Variants in AFF3 observed in about 807,000 individuals in gnomAD.
The protein encoded by AFF3 is AF4/FMR2 family member 3.
A neutral mutation model predicts 129.7 loss-of-function variants in AFF3; 32 were observed. The observed-to-expected ratio is 0.25, with a 90% CI of 0.19 to 0.33. The LOEUF (loss-of-function observed/expected upper bound fraction) is 0.33. AFF3 is among the 10% of genes least tolerant of loss of function. The probability of loss-of-function intolerance (pLI) is 1.00; values close to 1 mark genes in which losing one functional copy is unlikely to be tolerated. For missense variants in AFF3, 1,373 were observed against 1,592.0 expected, an observed-to-expected ratio of 0.86 and a Z score of 2.34; for synonymous variants, 644 against 635.4, an observed-to-expected ratio of 1.01 and a Z score of -0.20.
chr2:99,802,942 C>A (rs532596309), intron 8 of AFF3, among the ~76,000 whole-genome samples: 4 of 152,082 alleles, frequency 2.6e-5, no homozygotes, highest in Non-Finnish European at 5.9e-5. Flanking sequence ...ATTTGAATGC[C>A]CTTTAGTTCC....
intron 7 of AFF3, among the ~76,000 whole-genome samples, chr2:99,948,855 C>T (rs111657163): frequency 6.6e-6 from 1 of 152,178 alleles, no homozygotes; most frequent in Non-Finnish European, 1.5e-5. Context: ...TTCCCAATTA[C>T]AGCAATATGA....
chr2:99,918,061 G>A (rs1478776318), intron 7 of AFF3, among the ~76,000 whole-genome samples: 1 of 152,058 alleles, frequency 6.6e-6, no homozygotes, highest in Non-Finnish European at 1.5e-5. Context: ...TTCTTTTAGT[G>A]TAGTTTTCTA....
chr2:99,999,387 T>A (rs762860779), intron 7 of AFF3, among the ~76,000 whole-genome samples: 2 of 152,178 alleles, frequency 1.3e-5, no homozygotes, highest in Non-Finnish European at 2.9e-5. Flanking sequence ...TTCATCCATA[T>A]CCTTAAATTA....
intron 9 of AFF3, among the ~76,000 whole-genome samples, chr2:99,745,466 T>C (rs1681076736): frequency 6.6e-6 from 1 of 152,218 alleles, no homozygotes; most frequent in African/African-American, 2.4e-5. Flanking sequence ...TAAGAATCCA[T>C]TGCCAAATCC....
intron 7 of AFF3, among the ~76,000 whole-genome samples, chr2:99,956,349 G>C (rs1676646466): frequency 6.6e-6 from 1 of 152,070 alleles, no homozygotes; most frequent in African/African-American, 2.4e-5. Flanking sequence ...AAAAGTCTGA[G>C]TCCCAGAATG....
intron 7 of AFF3, among the ~76,000 whole-genome samples, chr2:99,863,263 T>C (rs1691134823): frequency 6.6e-6 from 1 of 152,244 alleles, no homozygotes; most frequent in Non-Finnish European, 1.5e-5. Flanking sequence ...TATCTTGTGC[T>C]AAAAGGATAA....
At chr2:99,908,579 T>G in intron 7 of AFF3, among the ~76,000 whole-genome samples, 1 of 152,218 alleles carries the variant, frequency 6.6e-6, no homozygotes, top group East Asian at 1.9e-4. Context: ...CATACTCATC[T>G]GACAAAGGGA....
At chr2:100,124,947 A>G (rs1692124008) in intron 2 of AFF3, among the ~76,000 whole-genome samples, 1 of 152,222 alleles carries the variant, frequency 6.6e-6, no homozygotes, top group South Asian at 2.1e-4. Context: ...CTTAAGACAT[A>G]TTAAAAAGAA....
At chr2:99,577,519 G>A (rs982136557) in intron 18 of AFF3, among the ~76,000 whole-genome samples, 2 of 152,192 alleles carry the variant, frequency 1.3e-5, no homozygotes, top group African/African-American at 2.4e-5. Context: ...GAAGCCCTCA[G>A]AGGGCAGAAG....
chr2:99,623,874 G>A (rs1486862131), intron 13 of AFF3, among the ~76,000 whole-genome samples: 4 of 152,242 alleles, frequency 2.6e-5, no homozygotes, highest in Non-Finnish European at 5.9e-5. Context: ...GCTGGCAGCT[G>A]AGAGGGACCC....
At chr2:99,827,232 T>C (rs550584754) in intron 8 of AFF3, among the ~76,000 whole-genome samples, 1 of 152,230 alleles carries the variant, frequency 6.6e-6, no homozygotes, top group Non-Finnish European at 1.5e-5. Flanking sequence ...CCAGACACCA[T>C]GGAAGTACAG....
intron 11 of AFF3, among the ~76,000 whole-genome samples, chr2:99,717,093 A>C (rs1479854361): frequency 6.6e-6 from 1 of 152,216 alleles, no homozygotes; most frequent in African/African-American, 2.4e-5. Context: ...TTTGATTAGA[A>C]GTATTCCATT....
At chr2:99,673,373 C>G (rs554682348) in intron 11 of AFF3, among the ~76,000 whole-genome samples, 1 of 152,254 alleles carries the variant, frequency 6.6e-6, no homozygotes, top group African/African-American at 2.4e-5. Flanking sequence ...CAGGTCCCCC[C>G]ATTCATCCTG....
intron 13 of AFF3, among the ~76,000 whole-genome samples, chr2:99,613,479 T>G (rs1681126124): frequency 6.6e-6 from 1 of 152,216 alleles, no homozygotes; most frequent in African/African-American, 2.4e-5. Flanking sequence ...AGATCCTATT[T>G]AATTTATATT....
At chr2:100,114,028 A>T (rs951944395) in intron 2 of AFF3, among the ~76,000 whole-genome samples, 6 of 152,146 alleles carry the variant, frequency 3.9e-5, no homozygotes, top group African/African-American at 1.4e-4. Flanking sequence ...ATTTTCAAGT[A>T]AGCAGGAAAC....
chr2:99,906,078 C>A (rs554710986), intron 7 of AFF3, among the ~76,000 whole-genome samples: 1 of 152,282 alleles, frequency 6.6e-6, no homozygotes, highest in South Asian at 2.1e-4. Context: ...ACTACTCCAG[C>A]CAGCTGATTT....
At chr2:99,858,102 T>C (rs531904394) in intron 7 of AFF3, among the ~76,000 whole-genome samples, 1 of 152,210 alleles carries the variant, frequency 6.6e-6, no homozygotes. Flanking sequence ...ACTCCCACCA[T>C]CATCATGAAA....
Position 99,818,653 on chromosome 2 carries a change from T to C in AFF3, c.921+18824A>G, listed in dbSNP as rs1687421244. On this transcript the variant is annotated intron_variant, in intron 8 of 24. Coordinates refer to ENST00000672756, the MANE Select transcript of AFF3 (RefSeq NM_001386135.1). ...CATTTCAGTAGGAGGGTTTAGTCATTTGTCAATAAATGAGATAGCTGGTTC... is the reference window on the plus strand; with the variant it reads ...CATTTCAGTAGGAGGGTTTAGTCATCTGTCAATAAATGAGATAGCTGGTTC... Among the ~76,000 whole-genome samples the C allele has an allele frequency of 2.0e-5, 3 of 152,308 alleles. No homozygotes were observed. In the South Asian group the frequency reaches 6.2e-4, roughly 32 times the overall value.
chr2:99,839,141 C>T (rs906932305), intron 7 of AFF3, among the ~76,000 whole-genome samples: 1 of 152,056 alleles, frequency 6.6e-6, no homozygotes, highest in African/African-American at 2.4e-5. Flanking sequence ...CCGAGTTTCG[C>T]TCTTGTTGCC....
Sources: gnomAD v4.1 joint callset for allele counts (sites outside exome capture counted in the v4.1 genomes callset) on GRCh38, gnomAD v4.1.1 for gene constraint, MANE v1.5 for transcripts, NCBI Gene and HGNC (gene_info 2026-07-23, HGNC 2026-07-21) for gene names.